ENOX1: variants seen among roughly 807,000 people sequenced by gnomAD.
ENOX1 encodes the protein candidate growth-related and time keeping constitutive hydroquinone (NADH) oxidase.
ENOX1 carries 42 observed loss-of-function variants against 82.5 expected under a neutral mutation model. The ratio of observed to expected loss-of-function variants is 0.51; its 90% CI spans 0.40 to 0.66. ENOX1 has a LOEUF of 0.66. Ranked by LOEUF, ENOX1 falls within the 30% of genes least tolerant of loss-of-function variation. ENOX1 has a pLI of 0.00. For synonymous variants in ENOX1, 271 were observed against 282.2 expected (o/e 0.96, Z 0.40); for missense variants, 608 against 811.6 (o/e 0.75, Z 3.05).
intron 1 of ENOX1, among the ~76,000 whole-genome samples, chr13:43,758,478 C>G (rs374900917): frequency 6.6e-6 from 1 of 150,704 alleles, no homozygotes. Flanking sequence ...AGAGGAGGGA[C>G]AAGAAGAGAG....
chr13:43,333,271 T>C (rs1321750033), intron 9 of ENOX1, among the ~76,000 whole-genome samples: 2 of 152,236 alleles, frequency 1.3e-5, no homozygotes, highest in East Asian at 3.8e-4. Context: ...TCTATGTCCC[T>C]GAAGTGTTTT....
intron 1 of ENOX1, among the ~76,000 whole-genome samples, chr13:43,734,762 A>G (rs758387544): frequency 5.3e-5 from 8 of 152,224 alleles, no homozygotes; most frequent in Non-Finnish European, 7.3e-5. Context: ...GCGCTATAAT[A>G]AAATGTGCTC....
chr13:43,785,758 C>T (rs1212040358), intron 1 of ENOX1, among the ~76,000 whole-genome samples: 1 of 152,160 alleles, frequency 6.6e-6, no homozygotes, highest in Non-Finnish European at 1.5e-5. Context: ...TCCAGAACCA[C>T]CCCCCTTCCG....
At chr13:43,491,581 A>G (rs1835741941) in intron 2 of ENOX1, among the ~76,000 whole-genome samples, 1 of 152,108 alleles carries the variant, frequency 6.6e-6, no homozygotes, top group East Asian at 1.9e-4. Context: ...CAGCCTGGCC[A>G]ACATGGTGAA....
At chr13:43,214,279 T>C (rs1179841988) in intron 16 of ENOX1, among the ~76,000 whole-genome samples, 158 bp from the exon 17 acceptor site, 1 of 152,128 alleles carries the variant, frequency 6.6e-6, no homozygotes, top group Non-Finnish European at 1.5e-5. Flanking sequence ...TCAGAAGTAC[T>C]GAATGTGATT....
At chr13:43,399,313 T>G (rs750601975) in intron 5 of ENOX1, among the ~76,000 whole-genome samples, 1 of 152,172 alleles carries the variant, frequency 6.6e-6, no homozygotes, top group Non-Finnish European at 1.5e-5. Context: ...CCTGGCTTTG[T>G]CCAAGGGTCA....
At position 43,361,363 on chromosome 13, in the gene ENOX1, C is replaced by A; in HGVS notation, c.298G>T (p.Val100Leu). ...INPMIPGLGL[V>L]PPPPPTEVAV... The stretch of plus-strand genomic sequence containing the variant: ...ACTTCTGTTGGTGGTGGGGGAGGTA[C>A]CAGTCCAAGGCCTGGTATCATTGGG... Residue 100 changes from valine to leucine, a missense_variant, in exon 6 of 17, where the codon GTA becomes TTA. Transcript: ENST00000690772. The A allele has an allele frequency of 6.2e-7, 1 of 1,613,876 alleles. No individual in the cohort carries two copies. The highest frequency in any genetic ancestry group is 8.5e-7 in the Non-Finnish European group (1 of 1,179,944).
intron 2 of ENOX1, among the ~76,000 whole-genome samples, chr13:43,623,987 T>C (rs1302507539): frequency 2.0e-5 from 3 of 152,156 alleles, no homozygotes; most frequent in Non-Finnish European, 4.4e-5. Context: ...GCGTGTTTAG[T>C]TCTTTATGAA....
chr13:43,315,742 C>T (rs2047441575), intron 11 of ENOX1, among the ~76,000 whole-genome samples: 1 of 152,192 alleles, frequency 6.6e-6, no homozygotes, highest in African/African-American at 2.4e-5. Flanking sequence ...CGTTAGGTTG[C>T]TATAGTACTT....
At chr13:43,339,029 C>G (rs2048907330) in intron 9 of ENOX1, among the ~76,000 whole-genome samples, 1 of 152,134 alleles carries the variant, frequency 6.6e-6, no homozygotes, top group African/African-American at 2.4e-5. Context: ...TAAGCTAAGA[C>G]TTTGCTAAAA....
chr13:43,622,432 G>A (rs1566655513), intron 2 of ENOX1, among the ~76,000 whole-genome samples: 1 of 152,200 alleles, frequency 6.6e-6, no homozygotes, highest in South Asian at 2.1e-4. Context: ...TTTGTCTCAT[G>A]TGGTGTTCCC....
At chr13:43,599,400 G>A (rs1212971741) in intron 2 of ENOX1, among the ~76,000 whole-genome samples, 1 of 151,860 alleles carries the variant, frequency 6.6e-6, no homozygotes, top group East Asian at 2.0e-4. Flanking sequence ...ACTTTGCATT[G>A]AAACTCAGTG....
chr13:43,743,309 A>G (rs1949851334), intron 1 of ENOX1, among the ~76,000 whole-genome samples: 1 of 152,156 alleles, frequency 6.6e-6, no homozygotes, highest in South Asian at 2.1e-4. Context: ...GAGAACTACA[A>G]ATTTTACCAC....
intron 2 of ENOX1, among the ~76,000 whole-genome samples, chr13:43,497,483 GTCTC>G (rs755301244): frequency 3.9e-5 from 6 of 152,070 alleles, no homozygotes; most frequent in Non-Finnish European, 7.4e-5. Context: ...ATTAAATGCT[GTCTC>G]TCTAACTAGT....
chr13:43,256,128 C>G (rs1234478748), intron 14 of ENOX1, among the ~76,000 whole-genome samples: 1 of 152,168 alleles, frequency 6.6e-6, no homozygotes, highest in Admixed American at 6.5e-5. Context: ...AGACCCCTCT[C>G]TCTCACCATG....
intron 2 of ENOX1, among the ~76,000 whole-genome samples, chr13:43,531,450 A>C (rs978598297): frequency 2.0e-5 from 3 of 150,686 alleles, no homozygotes; most frequent in African/African-American, 7.3e-5. Context: ...ATGTGGAGAA[A>C]TAGGAACACT....
At chr13:43,578,453 T>C (rs2080543960) in intron 2 of ENOX1, among the ~76,000 whole-genome samples, 1 of 152,308 alleles carries the variant, frequency 6.6e-6, no homozygotes, top group Admixed American at 6.5e-5. Flanking sequence ...TTCTTAATAA[T>C]GAAATGCTAA....
At chr13:43,523,722 C>A (rs4142314) in intron 2 of ENOX1, among the ~76,000 whole-genome samples, 4 of 151,990 alleles carry the variant, frequency 2.6e-5, no homozygotes, top group African/African-American at 9.7e-5. Flanking sequence ...CTCTGAGGCC[C>A]CCTATGCTAG....
intron 1 of ENOX1, among the ~76,000 whole-genome samples, chr13:43,756,923 C>G (rs1330201487): frequency 7.4e-6 from 1 of 135,642 alleles, no homozygotes; most frequent in Non-Finnish European, 1.5e-5. Context: ...AGGGTTCCAA[C>G]CCTGGACAAC....
Sources: gnomAD v4.1 joint callset for allele counts (sites outside exome capture counted in the v4.1 genomes callset) on GRCh38, gnomAD v4.1.1 for gene constraint, MANE v1.5 for transcripts, NCBI Gene and HGNC (gene_info 2026-07-23, HGNC 2026-07-21) for gene names.